The following EBF2 variants were observed in gnomAD, a reference collection of about 807,000 sequenced individuals.
EBF2 encodes transcription factor COE2.
Under a neutral mutation model 72.8 loss-of-function variants are expected in EBF2, and 21 were observed. The observed-to-expected ratio is 0.29, with a 90% CI of 0.20 to 0.42. EBF2 has a LOEUF of 0.42. EBF2 is among the 10% of genes least tolerant of loss of function. EBF2 has a pLI of 1.00. For synonymous variants in EBF2, 299 were observed against 274.2 expected, an observed-to-expected ratio of 1.09 and a Z score of -0.89; for missense variants, 637 against 731.2, an observed-to-expected ratio of 0.87 and a Z score of 1.49.
At chr8:25,970,029 G>A (rs1041344654) in intron 6 of EBF2, among the ~76,000 whole-genome samples, 5 of 152,168 alleles carry the variant, frequency 3.3e-5, no homozygotes, top group Admixed American at 2.0e-4. Flanking sequence ...ATTATCAAGA[G>A]GAAAGGGCCA....
intron 6 of EBF2, among the ~76,000 whole-genome samples, chr8:25,981,855 C>G (rs573510379): frequency 6.6e-6 from 1 of 151,738 alleles, no homozygotes; most frequent in African/African-American, 2.4e-5. Context: ...GGAATAGATG[C>G]CCAGTTCTCC....
At chr8:25,882,565 G>C (rs1224404175) in intron 10 of EBF2, among the ~76,000 whole-genome samples, 1 of 152,110 alleles carries the variant, frequency 6.6e-6, no homozygotes, top group African/African-American at 2.4e-5. Flanking sequence ...ATTTAAAAAA[G>C]AAAATCTGCT....
intron 8 of EBF2, 32 bp downstream of exon 8, chr8:25,889,720 G>T (rs1802746498): frequency 6.6e-7 from 1 of 1,520,804 alleles, no homozygotes; most frequent in Non-Finnish European, 9.1e-7. Context: ...AGAATTTCAT[G>T]TGTCTGCTAT....
chr8:25,875,103 G>A (rs1043243782), intron 10 of EBF2, among the ~76,000 whole-genome samples: 1 of 151,984 alleles, frequency 6.6e-6, no homozygotes, highest in Non-Finnish European at 1.5e-5. Context: ...AATCTAGATC[G>A]AGATATTCAG....
chr8:26,033,270 G>C, intron 5 of EBF2, 117 bp from the exon 6 acceptor site: 1 of 945,840 alleles, frequency 1.1e-6, no homozygotes, highest in Non-Finnish European at 1.7e-6. Flanking sequence ...TCACCAGGCT[G>C]TAGTACAATG....
intron 15 of EBF2, 147 bp downstream of exon 15, chr8:25,850,447 T>C (rs967254347): frequency 2.6e-5 from 26 of 1,001,634 alleles, no homozygotes; most frequent in Middle Eastern, 3.4e-4. Flanking sequence ...CTTGCCTAGC[T>C]GTAGAAGCCA....
At chr8:25,894,365 T>C (rs990029021) in intron 7 of EBF2, among the ~76,000 whole-genome samples, 1 of 152,236 alleles carries the variant, frequency 6.6e-6, no homozygotes, top group East Asian at 1.9e-4. Context: ...TTAAGATTTC[T>C]GAACGTTTTA....
intron 6 of EBF2, among the ~76,000 whole-genome samples, chr8:26,012,714 A>G (rs1805045746): frequency 6.6e-6 from 1 of 152,192 alleles, no homozygotes; most frequent in Non-Finnish European, 1.5e-5. Flanking sequence ...TGTTTGCCAG[A>G]TTTCAAACAG....
chr8:25,862,824 G>A (rs373778431), intron 10 of EBF2, 27 bp from the exon 11 acceptor site: 637 of 1,543,518 alleles, frequency 4.1e-4, no homozygotes, highest in Non-Finnish European at 5.4e-4. Context: ...CTCTTTCTGA[G>A]TTGGTATCCT....
rs372990175 is a variant in EBF2, at chr8:25,855,583, T to TA, written c.1528+2735dup. On this transcript the variant is annotated intron_variant, in intron 14 of 15. Coordinates refer to ENST00000520164, the MANE Select transcript of EBF2 (RefSeq NM_022659.4). Reference sequence around the variant, plus strand: ...TGGTCCAGCCACATCAGATGCATTTTAAAAAAAATCATAGAATTGTGTTTT... The same window carrying TA: ...TGGTCCAGCCACATCAGATGCATTTTAAAAAAAAATCATAGAATTGTGTTTT... 9.0e-3 allele frequency among the ~76,000 whole-genome samples: 1,363 copies of TA among 152,076 alleles called. 19 individuals carry two copies. Among genetic ancestry groups the TA allele is most frequent in the African/African-American group, 0.03 (1,257 of 41,470 alleles).
At position 26,041,016 on chromosome 8, in the gene EBF2, C is replaced by T. The variant is rs78754348; in HGVS notation, c.289-14G>A. On this transcript the variant is annotated splice_polypyrimidine_tract_variant and intron_variant, in intron 2 of 15. Coordinates refer to ENST00000520164, the MANE Select transcript of EBF2 (RefSeq NM_022659.4). ...GTTGCCTTGTTCCTGAAAAGACAGG[C>T]AGCGTTCGATTCCCTTGCCTTTCAG... The T allele has an allele frequency of 3.3e-3, 5,393 of 1,613,898 alleles. 170 individuals carry two copies. In the African/African-American group the frequency reaches 0.064, roughly 19 times the overall value.
chr8:26,036,077 T>C (rs969091690), intron 5 of EBF2, among the ~76,000 whole-genome samples: 4 of 152,146 alleles, frequency 2.6e-5, no homozygotes, highest in African/African-American at 7.2e-5. Context: ...ACCCCAAATA[T>C]GTGTGCAATG....
At chr8:25,858,537 A>G in intron 13 of EBF2, 33 bp from the exon 14 acceptor site, 3 of 1,594,360 alleles carry the variant, frequency 1.9e-6, no homozygotes, top group Non-Finnish European at 2.6e-6. Flanking sequence ...AGGTAAATCA[A>G]CAGGCGTGCA....
intron 10 of EBF2, among the ~76,000 whole-genome samples, chr8:25,866,646 T>C (rs1802333722): frequency 6.9e-6 from 1 of 144,520 alleles, no homozygotes; most frequent in South Asian, 2.1e-4. Context: ...TTTTTTTTTT[T>C]TTTGAGACAA....
In EBF2 at chr8:25,945,679, T is replaced by C. The variant is rs183168843; in HGVS notation, c.552-37124A>G. ...AATTTGTTTCTGATAATGCAATCCT[T>C]TGAATGTCCCTGAATAATAGGTCTG... On this transcript the variant is annotated intron_variant, in intron 6 of 15. Transcript: ENST00000520164. Among the ~76,000 whole-genome samples the C allele has an allele frequency of 4.5e-4, 69 of 151,890 alleles. 2 individuals are homozygous for C. In the East Asian group the frequency reaches 0.013, roughly 28 times the overall value.
intron 6 of EBF2, among the ~76,000 whole-genome samples, chr8:25,946,618 C>A (rs1051400537): frequency 6.6e-6 from 1 of 152,306 alleles, no homozygotes; most frequent in Non-Finnish European, 1.5e-5. Flanking sequence ...CATTGAATGA[C>A]AACACCCTCT....
chr8:25,922,909 G>C (rs1803327615), intron 6 of EBF2, among the ~76,000 whole-genome samples: 1 of 151,020 alleles, frequency 6.6e-6, no homozygotes, highest in South Asian at 2.1e-4. Flanking sequence ...AGTTGGGTTT[G>C]TGGTTTCTCC....
chr8:25,969,080 T>C (rs1253008544), intron 6 of EBF2, among the ~76,000 whole-genome samples: 1 of 152,112 alleles, frequency 6.6e-6, no homozygotes, highest in African/African-American at 2.4e-5. Context: ...CCCCTTCAAA[T>C]GGAGATTAAT....
intron 14 of EBF2, among the ~76,000 whole-genome samples, chr8:25,854,660 CT>C (rs536680537): frequency 4.6e-5 from 7 of 151,210 alleles, no homozygotes; most frequent in Non-Finnish European, 4.4e-5. Context: ...TTTTAATAGG[CT>C]TTTTTTTTCT....
Sources: allele counts gnomAD v4.1 joint callset (sites outside exome capture counted in the v4.1 genomes callset), GRCh38; gene constraint gnomAD v4.1.1; transcripts MANE v1.5; gene names NCBI Gene and HGNC (gene_info 2026-07-23, HGNC 2026-07-21).